The following ERBB4 variants were observed in gnomAD, a reference collection of about 807,000 sequenced individuals.
ERBB4 encodes erb-b2 receptor tyrosine kinase 4, also known as receptor tyrosine-protein kinase erbB-4.
A neutral mutation model predicts 158.0 loss-of-function variants in ERBB4; 42 were observed. The ratio of observed to expected loss-of-function variants is 0.27; its 90% CI spans 0.21 to 0.34. The LOEUF is 0.34. ERBB4 is among the 10% of genes least tolerant of loss of function. The pLI, the probability that ERBB4 is intolerant of heterozygous loss-of-function variation, is 1.00. For missense variants in ERBB4, 1,333 were observed against 1,624.1 expected (o/e 0.82, Z 3.08); for synonymous variants, 583 against 558.7 (o/e 1.04, Z -0.61).
At chr2:212,477,287 C>A (rs190893569) in intron 1 of ERBB4, among the ~76,000 whole-genome samples, 1 of 152,232 alleles carries the variant, frequency 6.6e-6, no homozygotes, top group Admixed American at 6.5e-5. Context: ...TCATTAGCTA[C>A]TTTCTGGCAC....
chr2:211,682,050 T>TCACA (rs60803024), intron 12 of ERBB4, among the ~76,000 whole-genome samples: 17,977 of 134,212 alleles, frequency 0.13, 1,442 homozygotes, highest in Non-Finnish European at 0.18. Flanking sequence ...TTTATACACA[T>TCACA]CACACACACA....
At chr2:212,360,476 C>G (rs1046144147) in intron 1 of ERBB4, among the ~76,000 whole-genome samples, 5 of 151,604 alleles carry the variant, frequency 3.3e-5, no homozygotes, top group African/African-American at 1.2e-4. Context: ...CTGTTGCTTC[C>G]CTTATGTAAC....
chr2:211,924,762 T>C (rs757039493), intron 3 of ERBB4, among the ~76,000 whole-genome samples: 33 of 152,220 alleles, frequency 2.2e-4, no homozygotes, highest in Non-Finnish European at 4.1e-4. Flanking sequence ...TTTATACCAA[T>C]AAAAATTGAT....
At chr2:211,693,311 T>C (rs1223080459) in intron 12 of ERBB4, among the ~76,000 whole-genome samples, 1 of 152,178 alleles carries the variant, frequency 6.6e-6, no homozygotes, top group Non-Finnish European at 1.5e-5. Flanking sequence ...CTTATTATAG[T>C]ATAATTACCC....
chr2:211,506,377 T>G (rs2065750443), intron 20 of ERBB4, among the ~76,000 whole-genome samples: 1 of 151,994 alleles, frequency 6.6e-6, no homozygotes, highest in African/African-American at 2.4e-5. Context: ...ACAAGAAAAC[T>G]CTGTACCTAA....
intron 16 of ERBB4, among the ~76,000 whole-genome samples, chr2:211,636,819 A>G (rs1423528026): frequency 1.3e-5 from 2 of 152,010 alleles, no homozygotes; most frequent in Non-Finnish European, 1.5e-5. Flanking sequence ...GAAATCTGAC[A>G]TCTTCATTTT....
At chr2:211,406,180 A>G (rs1437817981) in intron 25 of ERBB4, among the ~76,000 whole-genome samples, 1 of 152,172 alleles carries the variant, frequency 6.6e-6, no homozygotes. Context: ...CTTTGTCCCT[A>G]TTATAACACT....
rs370338173 is a variant in ERBB4, at chr2:212,134,587, A to T, written c.83-9684T>A. The stretch of plus-strand genomic sequence containing the variant: ...GTATCCTTTTAAAAAAAATCCTATT[A>T]TGTATTATCTGAATCTTTATCTTCT... On this transcript the variant is annotated intron_variant, in intron 1 of 27. Coordinates refer to ENST00000342788, the MANE Select transcript of ERBB4 (RefSeq NM_005235.3). Among the ~76,000 whole-genome samples, 50 of 151,088 alleles carry T rather than the reference A, an allele frequency of 3.3e-4. 1 individual carries two copies. In the East Asian group the frequency reaches 8.4e-3, roughly 25 times the overall value.
At chr2:211,664,982 C>T (rs1040046090) in intron 15 of ERBB4, among the ~76,000 whole-genome samples, 1 of 152,084 alleles carries the variant, frequency 6.6e-6, no homozygotes, top group East Asian at 1.9e-4. Flanking sequence ...TAAACACAAA[C>T]CTCAAAAGCA....
chr2:211,592,301 A>G (rs2068497789), intron 19 of ERBB4, among the ~76,000 whole-genome samples: 1 of 152,138 alleles, frequency 6.6e-6, no homozygotes, highest in African/African-American at 2.4e-5. Flanking sequence ...AGCTTGCACA[A>G]GTTAAGTCCT....
intron 19 of ERBB4, 66 bp from the exon 20 acceptor site, chr2:211,562,154 T>G: frequency 7.4e-7 from 1 of 1,353,904 alleles, no homozygotes; most frequent in Non-Finnish European, 1.0e-6. Context: ...GTTACTTGGA[T>G]TGTACTAATG....
At chr2:211,384,383 T>G (rs2125313027) in intron 27 of ERBB4, among the ~76,000 whole-genome samples, 1 of 152,322 alleles carries the variant, frequency 6.6e-6, no homozygotes. Flanking sequence ...TTCTAAAAGT[T>G]ATTTATATTA....
chr2:211,845,531 A>G (rs868342993), intron 3 of ERBB4, among the ~76,000 whole-genome samples: 1 of 152,048 alleles, frequency 6.6e-6, no homozygotes, highest in Non-Finnish European at 1.5e-5. Context: ...GGGATCTACA[A>G]ATCTCTCACT....
intron 2 of ERBB4, among the ~76,000 whole-genome samples, chr2:212,085,881 A>G (rs1199148019): frequency 1.3e-5 from 2 of 151,916 alleles, no homozygotes; most frequent in Non-Finnish European, 2.9e-5. Flanking sequence ...TATTGCCATC[A>G]ATATTTTTAT....
intron 16 of ERBB4, among the ~76,000 whole-genome samples, chr2:211,651,615 A>C (rs1171914038): frequency 1.4e-5 from 2 of 142,380 alleles, no homozygotes; most frequent in African/African-American, 5.1e-5. Flanking sequence ...ATCTGGGTCT[A>C]TTGGTCAGAG....
intron 20 of ERBB4, among the ~76,000 whole-genome samples, chr2:211,436,762 T>C (rs1190803289): frequency 6.6e-6 from 1 of 152,216 alleles, no homozygotes; most frequent in Non-Finnish European, 1.5e-5. Context: ...GATTAATGTG[T>C]GAATACAATT....
At chr2:212,431,764 A>G (rs2092035420) in intron 1 of ERBB4, among the ~76,000 whole-genome samples, 1 of 152,212 alleles carries the variant, frequency 6.6e-6, no homozygotes, top group Admixed American at 6.6e-5. Context: ...GGGCCTTCAT[A>G]CTTGCTGTTT....
intron 3 of ERBB4, among the ~76,000 whole-genome samples, chr2:211,884,378 T>C (rs950882007): frequency 2.0e-5 from 3 of 152,180 alleles, no homozygotes; most frequent in East Asian, 1.9e-4. Flanking sequence ...TACCAAACTT[T>C]CCTGAAACCC....
At chr2:211,673,103 T>C in intron 14 of ERBB4, 61 bp downstream of exon 14, 1 of 1,218,962 alleles carries the variant, frequency 8.2e-7, no homozygotes, top group South Asian at 1.2e-5. Flanking sequence ...GATAAAATAA[T>C]AACAAACATT....
Sources: gnomAD v4.1 joint callset for allele counts (sites outside exome capture counted in the v4.1 genomes callset) on GRCh38, gnomAD v4.1.1 for gene constraint, MANE v1.5 for transcripts, NCBI Gene and HGNC (gene_info 2026-07-23, HGNC 2026-07-21) for gene names.